The following TRIO variants were observed in gnomAD, a reference collection of about 807,000 sequenced individuals.
The protein encoded by TRIO is triple functional domain protein.
In TRIO, 58 loss-of-function variants were observed where a neutral mutation model predicts 351.9. That is an observed-to-expected ratio of 0.16 (90% confidence interval 0.13 to 0.21). TRIO has a LOEUF of 0.21. Among genes scored for constraint, TRIO ranks in the 10% least tolerant of loss-of-function variants. TRIO has a pLI of 1.00. For synonymous variants in TRIO, 1,758 were observed against 1,595.7 expected, an observed-to-expected ratio of 1.10 and a Z score of -2.42; for missense variants, 3,201 against 4,027.8, an observed-to-expected ratio of 0.79 and a Z score of 5.56.
Position 14,483,205 on chromosome 5 carries a change from A to G in TRIO, c.6657+432A>G, listed in dbSNP as rs143405221. On this transcript the variant is annotated intron_variant, in intron 46 of 56. Coordinates refer to ENST00000344204, the MANE Select transcript of TRIO (RefSeq NM_007118.4). ...GGCGTGAGGGCTCCAGGAATGGCCC[A>G]GCTGGATGCCCTCCCTGCCCTGATG... Among the ~76,000 whole-genome samples the G allele has an allele frequency of 2.1e-3, 325 of 152,344 alleles. 10 individuals are homozygous for G. In the East Asian group the frequency reaches 0.053, roughly 25 times the overall value.
At chr5:14,205,115 TTA>T (rs1791376918) in intron 1 of TRIO, among the ~76,000 whole-genome samples, 1 of 152,172 alleles carries the variant, frequency 6.6e-6, no homozygotes, top group African/African-American at 2.4e-5. Flanking sequence ...GCACAGGATT[TTA>T]TTGTCTTAAA....
At chr5:14,307,874 C>G (rs1437495843) in intron 8 of TRIO, among the ~76,000 whole-genome samples, 2 of 152,252 alleles carry the variant, frequency 1.3e-5, no homozygotes, top group Middle Eastern at 3.4e-3. Flanking sequence ...TTTCCTTTCT[C>G]TTTTGTTTGT....
chr5:14,340,414 A>T (rs71614084), intron 11 of TRIO, among the ~76,000 whole-genome samples: 34,340 of 150,852 alleles, frequency 0.23, 4,533 homozygotes, highest in Middle Eastern at 0.37. Flanking sequence ...AAAAAAAAAA[A>T]GAAAAAGTAG....
intron 34 of TRIO, among the ~76,000 whole-genome samples, chr5:14,453,012 C>T (rs1012335404): frequency 1.3e-5 from 2 of 152,110 alleles, no homozygotes; most frequent in Non-Finnish European, 2.9e-5. Context: ...CATGGTGAAA[C>T]TCTCTCCTGC....
Position 14,497,080 on chromosome 5 carries a change from C to A in TRIO, c.8019+63C>A, listed in dbSNP as rs780685760. 5.5e-5 allele frequency: 87 copies of A among 1,591,332 alleles called. No individual in the cohort carries two copies. Among genetic ancestry groups the A allele is most frequent in the Non-Finnish European group, 7.2e-5 (84 of 1,167,800 alleles). ...GCATGAGAGAAAGGATCAGGGAGGG[C>A]AGAGACTCTGCAGACCTGAAGCTGG... On this transcript the variant is annotated intron_variant, in intron 50 of 56. Coordinates refer to ENST00000344204, the MANE Select transcript of TRIO (RefSeq NM_007118.4). This position sits in a 1 kb window ranked among gnomAD's most constrained non-coding sequence, Gnocchi z 4.4.
intron 1 of TRIO, among the ~76,000 whole-genome samples, chr5:14,176,703 A>G (rs1789428997): frequency 6.6e-6 from 1 of 152,168 alleles, no homozygotes. Flanking sequence ...TTGGCCTCCC[A>G]AAGTGCTGGG....
intron 34 of TRIO, among the ~76,000 whole-genome samples, chr5:14,437,755 G>A (rs543077903): frequency 6.8e-6 from 1 of 147,106 alleles, no homozygotes; most frequent in Non-Finnish European, 1.5e-5. Context: ...AAGCACAGTC[G>A]CATTCCAAGG....
chr5:14,309,238 A>G (rs986152319), intron 8 of TRIO, among the ~76,000 whole-genome samples: 6 of 152,136 alleles, frequency 3.9e-5, no homozygotes, highest in African/African-American at 1.4e-4. Flanking sequence ...AAGTTTGTTA[A>G]TCTATTCTCA....
chr5:14,509,417 C>G lies in TRIO; in HGVS notation c.*995C>G, dbSNP rs1050589971. 2.1e-6 allele frequency: 1 copy of G among 469,212 alleles called. No homozygotes were observed. The highest frequency in any genetic ancestry group is 2.0e-5 in the African/African-American group (1 of 51,076). The allele number at this position is 469,212 out of a possible 1,614,324, so 29.1% of individuals were successfully genotyped here. A position where few individuals can be genotyped will look rare whatever the true frequency, so the allele number is the denominator to read the frequency against. ...GGGTTGGCGGGTGGGTGGGTAGGGT[C>G]GTAGCCCTGTGCCATCGGTTCAAAG... On this transcript the variant is annotated 3_prime_UTR_variant, in exon 57 of 57. Coordinates refer to ENST00000344204, the MANE Select transcript of TRIO (RefSeq NM_007118.4).
chr5:14,470,895 A>G (rs1015473099), intron 37 of TRIO, among the ~76,000 whole-genome samples: 5 of 152,208 alleles, frequency 3.3e-5, no homozygotes, highest in Admixed American at 3.3e-4. Flanking sequence ...TGCAGGTACC[A>G]TGTCCAGGTG....
intron 1 of TRIO, among the ~76,000 whole-genome samples, chr5:14,220,049 CTTT>C (rs35237881): frequency 0.026 from 2,477 of 94,804 alleles, 68 homozygotes; most frequent in African/African-American, 0.077. Context: ...TCTTCTTCTT[CTTT>C]TTTTTTTTTT....
chr5:14,455,138 A>G (rs1349735441), intron 34 of TRIO, among the ~76,000 whole-genome samples: 5 of 152,148 alleles, frequency 3.3e-5, no homozygotes, highest in Non-Finnish European at 7.3e-5. Flanking sequence ...ATTTATTGCA[A>G]AGATAAAGCT....
chr5:14,283,763 T>TA (rs113696877), intron 3 of TRIO, among the ~76,000 whole-genome samples: 38 of 151,608 alleles, frequency 2.5e-4, no homozygotes, highest in Admixed American at 7.2e-4. Flanking sequence ...CTTTTTTTTT[T>TA]AAACAAACAA....
At chr5:14,208,790 C>T (rs1561204352) in intron 1 of TRIO, among the ~76,000 whole-genome samples, 1 of 152,236 alleles carries the variant, frequency 6.6e-6, no homozygotes, top group Non-Finnish European at 1.5e-5. Flanking sequence ...ACCAGTTGAG[C>T]TGTTTCTGTA....
chr5:14,433,761 T>C (rs1255646191), intron 34 of TRIO, among the ~76,000 whole-genome samples: 2 of 152,236 alleles, frequency 1.3e-5, no homozygotes, highest in African/African-American at 4.8e-5. Flanking sequence ...ATATTCCTAA[T>C]CATTATATCA....
intron 1 of TRIO, among the ~76,000 whole-genome samples, chr5:14,241,404 A>G (rs1794120974): frequency 1.3e-5 from 2 of 152,206 alleles, no homozygotes; most frequent in Admixed American, 6.5e-5. Context: ...GTAAGATCAT[A>G]CAATTTGTAC....
At chr5:14,486,218 G>C (rs1252472716) in intron 47 of TRIO, among the ~76,000 whole-genome samples, 3 of 152,172 alleles carry the variant, frequency 2.0e-5, no homozygotes, top group African/African-American at 7.2e-5. Flanking sequence ...TGTCTTCTGG[G>C]TTCTTTGCTT....
chr5:14,264,751 T>C (rs1388960951), intron 1 of TRIO, among the ~76,000 whole-genome samples: 1 of 152,216 alleles, frequency 6.6e-6, no homozygotes, highest in Admixed American at 6.5e-5. Context: ...CTCCCTGTGC[T>C]GAGAGTATAA....
chr5:14,387,578 G>A lies in TRIO; in HGVS notation c.3711G>A (p.Lys1237=), dbSNP rs1196046159. The change falls in exon 22 of 57, where the codon AAG becomes AAA. Residue 1237 remains lysine (K), a synonymous_variant. Transcript: ENST00000344204. Reference sequence around the variant, plus strand: ...GAGATTTCTCTCTGCGGATGGAGAAGTACAGGACCTCTTTGGAAAAAGCCC... The same window carrying A: ...GAGATTTCTCTCTGCGGATGGAGAAATACAGGACCTCTTTGGAAAAAGCCC... ...RYRDFSLRME[K]YRTSLEKALG... 2 of 1,614,052 alleles carry A rather than the reference G, an allele frequency of 1.2e-6. No homozygotes were observed. The highest frequency in any genetic ancestry group is 3.3e-4 in the Middle Eastern group (2 of 6,060).
Sources: gnomAD v4.1 joint callset for allele counts (sites outside exome capture counted in the v4.1 genomes callset) on GRCh38, gnomAD v4.1.1 for gene constraint, Gnocchi (gnomAD v3.1) non-coding constraint, MANE v1.5 for transcripts, NCBI Gene and HGNC (gene_info 2026-07-23, HGNC 2026-07-21) for gene names.